The following NICOL1 variants were observed in gnomAD, a reference collection of about 807,000 sequenced individuals.
NICOL1 encodes NELL2 interacting cell ontogeny regulator 1, also known as NELL2-interacting cell ontogeny regulator 1.
the NICOL1 span, among the ~76,000 whole-genome samples, chr4:2,036,928 T>C: frequency 4.6e-5 from 7 of 152,028 alleles, no homozygotes; most frequent in Admixed American, 3.3e-4. Context: ...GATGACCACG[T>C]TGATGGCTGA....
chr4:2,041,408 G>C, the NICOL1 span, among the ~76,000 whole-genome samples: 1 of 152,204 alleles, frequency 6.6e-6, no homozygotes, highest in Non-Finnish European at 1.5e-5. Flanking sequence ...TCGGGGCTCC[G>C]CGCAAGCGGT....
chr4:2,043,326 A>G, the NICOL1 span, among the ~76,000 whole-genome samples: 3 of 152,138 alleles, frequency 2.0e-5, no homozygotes, highest in Admixed American at 6.5e-5. Flanking sequence ...CCCCCACGCC[A>G]TGGGGTGCAG....
chr4:2,038,237 G>GTGTGTATGTA, the NICOL1 span, among the ~76,000 whole-genome samples: 4 of 91,468 alleles, frequency 4.4e-5, no homozygotes, highest in African/African-American at 1.4e-4. Context: ...TGATCAGTGT[G>GTGTGTATGTA]TATATATATA....
chr4:2,038,355 A>G, the NICOL1 span, among the ~76,000 whole-genome samples: 1 of 149,478 alleles, frequency 6.7e-6, no homozygotes, highest in African/African-American at 2.5e-5. Context: ...TGGCACGACC[A>G]TGACTCACTG....
the NICOL1 span, among the ~76,000 whole-genome samples, chr4:2,039,359 A>G: frequency 6.6e-6 from 1 of 151,780 alleles, no homozygotes; most frequent in Non-Finnish European, 1.5e-5. Context: ...GGTTGCAGTG[A>G]GCCAAGATTG....
the NICOL1 span, among the ~76,000 whole-genome samples, chr4:2,039,754 C>T: frequency 6.6e-6 from 1 of 152,106 alleles, no homozygotes; most frequent in Non-Finnish European, 1.5e-5. Context: ...ACAGGAGAAT[C>T]ACTTGAACCC....
the NICOL1 span, among the ~76,000 whole-genome samples, chr4:2,040,553 C>T: frequency 6.6e-6 from 1 of 152,160 alleles, no homozygotes; most frequent in Admixed American, 6.5e-5. Flanking sequence ...GCGGGGCTAC[C>T]CCTCTACGGC....
the NICOL1 span, chr4:2,042,252 G>A: frequency 1.0e-6 from 1 of 980,864 alleles, no homozygotes; most frequent in Non-Finnish European, 1.4e-6. Context: ...GGGTCGTGGG[G>A]CCCGCGGGAG....
chr4:2,042,852 C>T, the NICOL1 span: 100 of 1,448,466 alleles, frequency 6.9e-5, no homozygotes, highest in East Asian at 2.5e-3. Context: ...GACGGTCCTC[C>T]CGGGCTTCCC....
the NICOL1 span, chr4:2,042,515 G>C: frequency 1.7e-5 from 7 of 416,168 alleles, no homozygotes; most frequent in Non-Finnish European, 2.5e-5. Flanking sequence ...TCCGGGGAGC[G>C]GGGCGGGGCT....
the NICOL1 span, among the ~76,000 whole-genome samples, chr4:2,036,996 T>C: frequency 6.6e-6 from 1 of 151,974 alleles, no homozygotes; most frequent in African/African-American, 2.4e-5. Context: ...TCCCCAGTGT[T>C]GGAGGAGGGG....
At chr4:2,043,721 G>T in the NICOL1 span, 1 of 636,200 alleles carries the variant, frequency 1.6e-6, no homozygotes, top group African/African-American at 1.9e-5. Flanking sequence ...GGGAGGCTCT[G>T]GGTGTGGGGG....
the NICOL1 span, among the ~76,000 whole-genome samples, chr4:2,041,327 G>C: frequency 1.3e-5 from 2 of 152,186 alleles, no homozygotes; most frequent in Non-Finnish European, 1.5e-5. Context: ...CTGGCTGCAC[G>C]GCGCTCTTTA....
the NICOL1 span, chr4:2,041,953 C>G: frequency 6.9e-7 from 1 of 1,452,468 alleles, no homozygotes. Flanking sequence ...TCCATGACGA[C>G]GACGTCGGAT....
At chr4:2,041,891 T>A in the NICOL1 span, 1 of 1,244,648 alleles carries the variant, frequency 8.0e-7, no homozygotes, top group African/African-American at 1.6e-5. Flanking sequence ...CACACCCGAT[T>A]CCTGGAGCGT....
the NICOL1 span, among the ~76,000 whole-genome samples, chr4:2,039,218 A>C: frequency 1.8e-4 from 28 of 152,154 alleles, no homozygotes; most frequent in Non-Finnish European, 1.3e-4. Flanking sequence ...GTTCAAGACC[A>C]GCCTGGCCAA....
the NICOL1 span, chr4:2,041,963 T>G: frequency 2.1e-6 from 3 of 1,453,366 alleles, no homozygotes; most frequent in Non-Finnish European, 2.7e-6. Flanking sequence ...CGACGTCGGA[T>G]GGGGAACCCG....
chr4:2,042,835 G>A, the NICOL1 span: 34 of 1,475,436 alleles, frequency 2.3e-5, no homozygotes, highest in Middle Eastern at 2.0e-4. Flanking sequence ...GTGAGCGCCC[G>A]CGGCGCGACG....
chr4:2,037,473 A>G, the NICOL1 span, among the ~76,000 whole-genome samples: 2 of 152,252 alleles, frequency 1.3e-5, no homozygotes, highest in Admixed American at 1.3e-4. Flanking sequence ...TTAAGATGAG[A>G]ACTCATCAAT....
Sources: gnomAD v4.1 joint callset for allele counts (sites outside exome capture counted in the v4.1 genomes callset) on GRCh38, gnomAD v4.1.1 for gene constraint, MANE v1.5 for transcripts, NCBI Gene and HGNC (gene_info 2026-07-23, HGNC 2026-07-21) for gene names.